TMEM132B: variants seen among roughly 807,000 people sequenced by gnomAD.
TMEM132B encodes the protein transmembrane protein 132B.
Under a neutral mutation model 90.8 loss-of-function variants are expected in TMEM132B, and 18 were observed. The ratio of observed to expected loss-of-function variants is 0.20; its 90% confidence interval spans 0.14 to 0.29. The LOEUF is 0.29. Ranked by LOEUF, TMEM132B falls within the 10% of genes least tolerant of loss-of-function variation. The probability of loss-of-function intolerance (pLI) is 1.00; values close to 1 mark genes in which losing one functional copy is unlikely to be tolerated. For synonymous variants in TMEM132B, 504 were observed against 523.3 expected (o/e 0.96, Z 0.50); for missense variants, 1,096 against 1,326.8 (o/e 0.83, Z 2.70).
rs1468852165 is a variant in TMEM132B, at chr12:125,613,078, AAAAATATATATCATATATATTTATATATT to A, written c.1437+29115_1437+29143del. 1.7e-4 allele frequency among the ~76,000 whole-genome samples: 9 copies of A among 51,516 alleles called. 2 individuals are homozygous for A. The highest frequency in any genetic ancestry group is 1.5e-3 in the African/African-American group (9 of 6,082). The allele number at this position is 51,516 out of a possible 152,430, so 33.8% of individuals were successfully genotyped here. On this transcript the variant is annotated intron_variant, in intron 5 of 8. Transcript: ENST00000682704. The stretch of plus-strand genomic sequence containing the variant: ...TATATATCATATATATTTATATATT[AAAAATATATATCATATATATTTATATATT>A]AAAATATATATCATATATATTTATA...
At chr12:125,363,565 AC>A (rs1878029438) in intron 2 of TMEM132B, among the ~76,000 whole-genome samples, 1 of 152,070 alleles carries the variant, frequency 6.6e-6, no homozygotes. Context: ...GGTTGGTGGC[AC>A]CCCTAGGACT....
At chr12:125,483,212 T>G (rs1019507000) in intron 3 of TMEM132B, among the ~76,000 whole-genome samples, 8 of 152,118 alleles carry the variant, frequency 5.3e-5, no homozygotes, top group South Asian at 2.1e-4. Context: ...ACCTGCATGT[T>G]GTGCACATGT....
chr12:125,259,204 T>C (rs1874504546), intron 1 of TMEM132B, among the ~76,000 whole-genome samples: 1 of 152,214 alleles, frequency 6.6e-6, no homozygotes, highest in African/African-American at 2.4e-5. Flanking sequence ...TTTGTCTACT[T>C]CTTGATGCTT....
At chr12:125,493,643 G>T (rs116054788) in intron 3 of TMEM132B, among the ~76,000 whole-genome samples, 3 of 152,110 alleles carry the variant, frequency 2.0e-5, no homozygotes, top group African/African-American at 7.2e-5. Context: ...CTGGCTGGGC[G>T]CTGCCAGTGC....
chr12:125,429,497 T>G (rs1022905265), intron 3 of TMEM132B, among the ~76,000 whole-genome samples: 1 of 152,108 alleles, frequency 6.6e-6, no homozygotes, highest in Admixed American at 6.5e-5. Flanking sequence ...TGAGCCACCG[T>G]GCCCGGCCCT....
intron 2 of TMEM132B, among the ~76,000 whole-genome samples, chr12:125,380,137 T>C (rs2136284464): frequency 6.6e-6 from 1 of 152,310 alleles, no homozygotes; most frequent in Non-Finnish European, 1.5e-5. Flanking sequence ...ATCAGAAGTC[T>C]GAAATCAAGG....
chr12:125,314,271 C>A lies in TMEM132B; in HGVS notation c.68-35181C>A, dbSNP rs80347845. On this transcript the variant is annotated intron_variant, in intron 1 of 8. Coordinates refer to ENST00000682704, the MANE Select transcript of TMEM132B (RefSeq NM_001366854.1). ...GTCTGGAAACAGTAACGAGGGCTCA[C>A]CTTCTTGGAATGTGGAGATTTTGAC... 7.8e-4 allele frequency among the ~76,000 whole-genome samples: 119 copies of A among 152,300 alleles called. 1 individual carries two copies. In the East Asian group the frequency reaches 0.02, roughly 25 times the overall value.
intron 4 of TMEM132B, among the ~76,000 whole-genome samples, chr12:125,523,809 G>A (rs1374535808): frequency 6.6e-6 from 1 of 152,180 alleles, no homozygotes; most frequent in Non-Finnish European, 1.5e-5. Context: ...TGTCACTCTA[G>A]CACCTCTGAC....
chr12:125,543,907 A>G (rs1217245713), intron 4 of TMEM132B, among the ~76,000 whole-genome samples: 2 of 151,430 alleles, frequency 1.3e-5, no homozygotes, highest in Non-Finnish European at 3.0e-5. Context: ...GCTTATGTTC[A>G]CTGCAGCACT....
chr12:125,237,085 C>T (rs760833506), intron 1 of TMEM132B, among the ~76,000 whole-genome samples: 1 of 152,242 alleles, frequency 6.6e-6, no homozygotes, highest in South Asian at 2.1e-4. Flanking sequence ...GCCTTCCTCC[C>T]TTCTCTATTT....
intron 2 of TMEM132B, among the ~76,000 whole-genome samples, chr12:125,355,092 GACTGATCTTTATTCACT>G (rs1408706851): frequency 6.6e-6 from 1 of 151,742 alleles, no homozygotes. Flanking sequence ...TCTGGTTGGG[GACTGATCTTTATTCACT>G]ACTAAAGCTC....
At chr12:125,555,481 G>T (rs1884352322) in intron 4 of TMEM132B, among the ~76,000 whole-genome samples, 1 of 146,402 alleles carries the variant, frequency 6.8e-6, no homozygotes, top group Non-Finnish European at 1.5e-5. Flanking sequence ...AGAAAGGAAA[G>T]AAAAACAAAA....
At position 125,654,667 on chromosome 12, in the gene TMEM132B, A is replaced by C. The variant is rs1448811037; in HGVS notation, c.3209A>C (p.Gln1070Pro). 1.2e-6 allele frequency: 2 copies of C among 1,614,054 alleles called. No homozygotes were observed. The highest frequency in any genetic ancestry group is 1.7e-6 in the Non-Finnish European group (2 of 1,180,020). ...CAAGATATGGGGCTGGGGGATTCACAGGACTTTAGAGACTATATGGAAAGT... is the reference window on the plus strand; with the variant it reads ...CAAGATATGGGGCTGGGGGATTCACCGGACTTTAGAGACTATATGGAAAGT... ...VCQDMGLGDS[Q>P]DFRDYMESLQ... The change falls in exon 9 of 9, where the codon CAG (glutamine) becomes CCG (proline). Residue 1070 changes from glutamine (Q) to proline (P), a missense_variant. Physicochemically the swap from Gln to Pro is moderately conservative, Grantham distance 76 (BLOSUM62 -1). Coordinates refer to ENST00000682704, the MANE Select transcript of TMEM132B (RefSeq NM_001366854.1). This position sits in a 1 kb window ranked among gnomAD's most constrained non-coding sequence, Gnocchi z 5.8.
chr12:125,604,535 G>A (rs772467874), intron 5 of TMEM132B, among the ~76,000 whole-genome samples: 111 of 152,278 alleles, frequency 7.3e-4, no homozygotes, highest in Non-Finnish European at 1.5e-3. Context: ...GATAGGTGCA[G>A]CAAAGCACCA....
intron 1 of TMEM132B, among the ~76,000 whole-genome samples, chr12:125,296,329 A>C (rs1875672184): frequency 6.6e-6 from 1 of 152,140 alleles, no homozygotes; most frequent in African/African-American, 2.4e-5. Flanking sequence ...TTCCCTTGCC[A>C]GGAGTGCGCT....
In TMEM132B at chr12:125,567,070, C is replaced by G. The variant is rs187068065; in HGVS notation, c.1294-16781C>G. Among the ~76,000 whole-genome samples, 4 of 152,140 alleles carry G rather than the reference C, an allele frequency of 2.6e-5. No homozygotes were observed. In the East Asian group the frequency reaches 7.8e-4, roughly 30 times the overall value. On this transcript the variant is annotated intron_variant, in intron 4 of 8. Transcript: ENST00000682704. The stretch of plus-strand genomic sequence containing the variant: ...TGTAGGCCAGGCTGGTCTTGAATGA[C>G]TAACCTCAGGTGATCTGCCCGCCTT...
Position 125,514,782 on chromosome 12 carries a change from G to A in TMEM132B, c.1107-4657G>A, listed in dbSNP as rs199845511. On this transcript the variant is annotated intron_variant, in intron 3 of 8. Coordinates refer to ENST00000682704, the MANE Select transcript of TMEM132B (RefSeq NM_001366854.1). ...CTGGTCCTGTGAAGCAGTCACTCTT[G>A]TGATCATGAGCGATGCACTGAGGAA... 2.0e-4 allele frequency among the ~76,000 whole-genome samples: 30 copies of A among 152,148 alleles called. 1 individual carries two copies. The East Asian group carries it at 5.6e-3, about 28-fold the overall frequency.
rs746916124 is a variant in TMEM132B at position 125,432,511 on chromosome 12, GTA to G, written c.1106+16851_1106+16852del. On this transcript the variant is annotated intron_variant, in intron 3 of 8. Transcript: ENST00000682704. ...TGTATGTGTATATATATGTGTGTGT[GTA>G]TATATATATATATATAGAGAGAGAG... Among the ~76,000 whole-genome samples the G allele has an allele frequency of 5.9e-4, 11 of 18,554 alleles. 4 individuals are homozygous for G. The highest frequency in any genetic ancestry group is 3.2e-3 in the African/African-American group (10 of 3,106). The allele number at this position is 18,554 out of a possible 152,430, so 12.2% of individuals were successfully genotyped here. A position where few individuals can be genotyped will look rare whatever the true frequency, so the allele number is the denominator to read the frequency against.
At chr12:125,503,766 T>C (rs1173452067) in intron 3 of TMEM132B, among the ~76,000 whole-genome samples, 3 of 152,234 alleles carry the variant, frequency 2.0e-5, no homozygotes, top group Non-Finnish European at 2.9e-5. Context: ...ACCACTATAA[T>C]TGATGTATCA....
Sources: gnomAD v4.1 joint callset for allele counts (sites outside exome capture counted in the v4.1 genomes callset) on GRCh38, gnomAD v4.1.1 for gene constraint, Gnocchi (gnomAD v3.1) non-coding constraint, MANE v1.5 for transcripts, NCBI Gene and HGNC (gene_info 2026-07-23, HGNC 2026-07-21) for gene names.